The following PREP variants were observed in gnomAD, a reference collection of about 807,000 sequenced individuals.
PREP encodes prolyl endopeptidase.
A neutral mutation model predicts 87.6 loss-of-function variants in PREP; 29 were observed. The observed-to-expected ratio is 0.33, with a 90% CI of 0.25 to 0.45. The LOEUF (loss-of-function observed/expected upper bound fraction) is 0.45, where lower values mean the gene tolerates loss of function less well. Ranked by LOEUF, PREP falls within the 20% of genes least tolerant of loss-of-function variation. The pLI is 1.00. For missense variants in PREP, 695 were observed against 886.5 expected, an observed-to-expected ratio of 0.78 and a Z score of 2.74; for synonymous variants, 337 against 328.6, an observed-to-expected ratio of 1.03 and a Z score of -0.28.
chr6:105,278,127 G>C lies in PREP; in HGVS notation c.*17C>G. 6.3e-7 allele frequency: 1 copy of C among 1,595,330 alleles called. No homozygotes were observed. The highest frequency in any genetic ancestry group is 8.6e-7 in the Non-Finnish European group (1 of 1,167,152). Reference sequence around the variant, plus strand: ...TTGAGGTTTTCTGTCGCTGTCAGGAGGAAGCACGAAAACTGTTTATGGAAT... The same window carrying C: ...TTGAGGTTTTCTGTCGCTGTCAGGACGAAGCACGAAAACTGTTTATGGAAT... On this transcript the variant is annotated 3_prime_UTR_variant, in exon 15 of 15. Coordinates refer to ENST00000652536, the MANE Select transcript of PREP (RefSeq NM_002726.5). The surrounding 1 kb of genome is among the most constrained non-coding windows in gnomAD (Gnocchi z 4.2).
At chr6:105,366,102 A>G (rs993829440) in intron 6 of PREP, among the ~76,000 whole-genome samples, 28 of 152,150 alleles carry the variant, frequency 1.8e-4, no homozygotes, top group Middle Eastern at 6.8e-3. Flanking sequence ...TAAAAATACA[A>G]AAATTATCCC....
chr6:105,305,458 A>G (rs987081560), intron 10 of PREP, among the ~76,000 whole-genome samples: 1 of 152,032 alleles, frequency 6.6e-6, no homozygotes, highest in Non-Finnish European at 1.5e-5. Flanking sequence ...TTTTGCAAAG[A>G]GGTGGTCAAT....
At chr6:105,330,510 G>A (rs1771299071) in intron 8 of PREP, among the ~76,000 whole-genome samples, 1 of 152,136 alleles carries the variant, frequency 6.6e-6, no homozygotes, top group Non-Finnish European at 1.5e-5. Context: ...AGGAGTGAGA[G>A]GTGATGAGGA....
intron 7 of PREP, 63 bp downstream of exon 7, chr6:105,352,909 A>G: frequency 7.9e-6 from 11 of 1,390,562 alleles, no homozygotes; most frequent in Non-Finnish European, 1.1e-5. Flanking sequence ...TTAATAGACC[A>G]CAATAATACT....
At chr6:105,348,663 T>G (rs1334969916) in intron 7 of PREP, among the ~76,000 whole-genome samples, 1 of 152,110 alleles carries the variant, frequency 6.6e-6, no homozygotes, top group Non-Finnish European at 1.5e-5. Context: ...AGATGGACCA[T>G]GAGGTCAGGA....
At chr6:105,369,058 T>A in intron 5 of PREP, 34 bp from the exon 6 acceptor site, 1 of 1,604,714 alleles carries the variant, frequency 6.2e-7, no homozygotes, top group Non-Finnish European at 8.5e-7. Context: ...TGAAATGTAC[T>A]TGATAATTTT....
At chr6:105,323,103 C>A (rs1251790026) in intron 10 of PREP, 2 of 1,304,112 alleles carry the variant, frequency 1.5e-6, no homozygotes, top group Admixed American at 4.6e-5. Flanking sequence ...ACTCAGTACC[C>A]TTGGGGAGCT....
Position 105,382,172 on chromosome 6 carries a change from C to T in PREP, c.121-4653G>A, listed in dbSNP as rs535711750. Among the ~76,000 whole-genome samples, 116 of 151,902 alleles carry T rather than the reference C, an allele frequency of 7.6e-4. 2 individuals carry two copies. The South Asian group carries it at 0.024, about 31-fold the overall frequency. On this transcript the variant is annotated intron_variant, in intron 2 of 14. Transcript: ENST00000652536. ...GTTGGGGGAGATGTTGGTAAAAGGA[C>T]ACAGAGTTTCAGTTAGACAGGAGAA...
Position 105,375,826 on chromosome 6 carries a change from T to C in PREP, c.385+299A>G, listed in dbSNP as rs1164027677. The stretch of plus-strand genomic sequence containing the variant: ...TCTAATCACAGGTAGGTCTCAGGGA[T>C]GTTGGAGGAAATGATGATGATATGT... On this transcript the variant is annotated intron_variant, in intron 4 of 14. Transcript: ENST00000652536. 1.3e-5 allele frequency among the ~76,000 whole-genome samples: 2 copies of C among 152,322 alleles called. 1 individual carries two copies. Among genetic ancestry groups the C allele is most frequent in the East Asian group, 3.9e-4 (2 of 5,188 alleles).
chr6:105,324,101 C>T (rs1003184870), intron 9 of PREP, among the ~76,000 whole-genome samples: 1 of 152,142 alleles, frequency 6.6e-6, no homozygotes, highest in Admixed American at 6.5e-5. Flanking sequence ...AAATTTAACT[C>T]GTCTTCCCCA....
chr6:105,384,091 C>T (rs1050213304), intron 2 of PREP, among the ~76,000 whole-genome samples: 1 of 152,178 alleles, frequency 6.6e-6, no homozygotes, highest in African/African-American at 2.4e-5. Flanking sequence ...CTATTTCTTT[C>T]TGGTGCCATA....
intron 1 of PREP, among the ~76,000 whole-genome samples, chr6:105,401,902 A>G (rs551184956): frequency 2.2e-4 from 33 of 152,378 alleles, no homozygotes; most frequent in Admixed American, 2.0e-4. Context: ...TCACACAAAT[A>G]CATACTTATT....
In PREP at chr6:105,275,206, T is replaced by C. The variant is rs1188479166; in HGVS notation, c.*2938A>G. 6.6e-6 allele frequency among the ~76,000 whole-genome samples: 1 copy of C among 152,194 alleles called. No homozygotes were observed. The highest frequency in any genetic ancestry group is 1.5e-5 in the Non-Finnish European group (1 of 68,036). ...AGTCTTTGCAACTCCTTCTGGGCAT[T>C]AGCTATGTGGCCTGCTGGGAACTTC... On this transcript the variant is annotated 3_prime_UTR_variant, in exon 15 of 15. Transcript: ENST00000652536.
chr6:105,341,488 T>A (rs6929146), intron 7 of PREP, among the ~76,000 whole-genome samples: 33,453 of 151,770 alleles, frequency 0.22, 5,940 homozygotes, highest in African/African-American at 0.5. Flanking sequence ...CTAGAGAAGC[T>A]AGAGCAAACA....
intron 11 of PREP, among the ~76,000 whole-genome samples, chr6:105,286,934 G>T (rs1770199405): frequency 6.6e-6 from 1 of 152,088 alleles, no homozygotes; most frequent in Non-Finnish European, 1.5e-5. Flanking sequence ...CCACCTGCTG[G>T]GACCAAGGGA....
intron 10 of PREP, among the ~76,000 whole-genome samples, chr6:105,304,160 G>T (rs1414123053): frequency 3.9e-5 from 6 of 152,100 alleles, no homozygotes; most frequent in Non-Finnish European, 7.4e-5. Flanking sequence ...AAAATTTAAA[G>T]AACAGGAGAG....
chr6:105,394,806 C>T (rs974235554), intron 2 of PREP, among the ~76,000 whole-genome samples: 6 of 152,006 alleles, frequency 3.9e-5, no homozygotes, highest in Non-Finnish European at 8.8e-5. Flanking sequence ...CTTGTATATG[C>T]CATCAATAAT....
chr6:105,342,069 G>A (rs1484558023), intron 7 of PREP, among the ~76,000 whole-genome samples: 1 of 152,176 alleles, frequency 6.6e-6, no homozygotes, highest in Non-Finnish European at 1.5e-5. Flanking sequence ...AAGCCTGGCA[G>A]AGACACAACA....
At chr6:105,326,160 T>C (rs1771152279) in intron 9 of PREP, among the ~76,000 whole-genome samples, 1 of 152,220 alleles carries the variant, frequency 6.6e-6, no homozygotes, top group South Asian at 2.1e-4. Context: ...CAAAAAGTTT[T>C]GCCTTTCCCT....
Sources: gnomAD v4.1 joint callset for allele counts (sites outside exome capture counted in the v4.1 genomes callset) on GRCh38, gnomAD v4.1.1 for gene constraint, Gnocchi (gnomAD v3.1) non-coding constraint, MANE v1.5 for transcripts, NCBI Gene and HGNC (gene_info 2026-07-23, HGNC 2026-07-21) for gene names.